CACNA2D3: variants seen among roughly 807,000 people sequenced by gnomAD.
CACNA2D3 encodes the protein voltage-dependent calcium channel subunit alpha-2/delta-3.
CACNA2D3 carries 60 observed loss-of-function variants against 160.6 expected under a neutral mutation model. That is an observed-to-expected ratio of 0.37 (90% CI 0.30 to 0.46). The LOEUF (loss-of-function observed/expected upper bound fraction) is 0.46. Ranked by LOEUF, CACNA2D3 falls within the 20% of genes least tolerant of loss-of-function variation. The pLI, the probability that CACNA2D3 is intolerant of heterozygous loss-of-function variation, is 1.00. For synonymous variants in CACNA2D3, 558 were observed against 492.9 expected (o/e 1.13, Z -1.75); for missense variants, 1,205 against 1,365.0 (o/e 0.88, Z 1.85).
At chr3:54,839,114 C>T (rs369533651) in intron 16 of CACNA2D3, among the ~76,000 whole-genome samples, 3 of 152,052 alleles carry the variant, frequency 2.0e-5, no homozygotes, top group African/African-American at 4.8e-5. Context: ...AACAATTAGC[C>T]GGTCGTGATG....
At chr3:54,145,659 A>G (rs992732421) in intron 2 of CACNA2D3, among the ~76,000 whole-genome samples, 3 of 152,164 alleles carry the variant, frequency 2.0e-5, no homozygotes, top group Non-Finnish European at 4.4e-5. Context: ...TGTCTTTAGC[A>G]CTGGTCATCC....
intron 11 of CACNA2D3, among the ~76,000 whole-genome samples, chr3:54,693,291 A>G (rs546120817): frequency 3.9e-5 from 6 of 152,342 alleles, no homozygotes; most frequent in African/African-American, 1.2e-4. Flanking sequence ...AATGAACCGC[A>G]TATTCTTATG....
intron 35 of CACNA2D3, among the ~76,000 whole-genome samples, chr3:55,066,134 G>A (rs114548439): frequency 6.6e-6 from 1 of 152,146 alleles, no homozygotes; most frequent in Admixed American, 6.5e-5. Flanking sequence ...CAGGGCAGGT[G>A]GGGGATAGGG....
At chr3:55,016,049 C>G (rs1206652925) in intron 34 of CACNA2D3, among the ~76,000 whole-genome samples, 2 of 152,158 alleles carry the variant, frequency 1.3e-5, no homozygotes, top group Non-Finnish European at 2.9e-5. Context: ...GAAAACACTA[C>G]TCAAGAGAGT....
chr3:54,293,389 A>C (rs62253247), intron 2 of CACNA2D3, among the ~76,000 whole-genome samples: 2 of 151,874 alleles, frequency 1.3e-5, no homozygotes, highest in Non-Finnish European at 2.9e-5. Flanking sequence ...AGTCCATTAT[A>C]TCATTCTTAT....
intron 4 of CACNA2D3, among the ~76,000 whole-genome samples, chr3:54,472,450 G>A (rs1700750672): frequency 6.6e-6 from 1 of 152,096 alleles, no homozygotes; most frequent in Non-Finnish European, 1.5e-5. Context: ...TACTGAATGG[G>A]CAAAAACTGG....
At chr3:54,223,622 A>G (rs1443602919) in intron 2 of CACNA2D3, among the ~76,000 whole-genome samples, 1 of 152,058 alleles carries the variant, frequency 6.6e-6, no homozygotes, top group East Asian at 1.9e-4. Context: ...TTGGGAGGCC[A>G]AGGTGGGCAG....
chr3:54,429,638 C>G (rs1370375370), intron 4 of CACNA2D3, among the ~76,000 whole-genome samples: 1 of 152,118 alleles, frequency 6.6e-6, no homozygotes, highest in Non-Finnish European at 1.5e-5. Flanking sequence ...CATGATGGTG[C>G]TCTGTAGACA....
chr3:54,331,520 C>G (rs1210395244), intron 3 of CACNA2D3, among the ~76,000 whole-genome samples: 1 of 152,186 alleles, frequency 6.6e-6, no homozygotes, highest in Non-Finnish European at 1.5e-5. Context: ...GATATCATCT[C>G]TGTTGTCATC....
chr3:54,596,377 AG>A (rs1702954904), intron 9 of CACNA2D3, among the ~76,000 whole-genome samples: 1 of 152,158 alleles, frequency 6.6e-6, no homozygotes, highest in South Asian at 2.1e-4. Context: ...AGCTGCTTAG[AG>A]GACTTCCCTG....
intron 5 of CACNA2D3, among the ~76,000 whole-genome samples, chr3:54,535,847 T>C (rs1306855796): frequency 6.6e-6 from 1 of 152,228 alleles, no homozygotes; most frequent in Non-Finnish European, 1.5e-5. Context: ...TTATGTCTGA[T>C]GTGACTAGAG....
chr3:55,065,550 C>A (rs1271074566), intron 35 of CACNA2D3, among the ~76,000 whole-genome samples: 1 of 152,096 alleles, frequency 6.6e-6, no homozygotes, highest in Admixed American at 6.5e-5. Context: ...TCCTGTGGTC[C>A]CAGCTCCTTG....
rs550931622 is a variant in CACNA2D3, at chr3:54,339,418, G to A, written c.321+18860G>A. The stretch of plus-strand genomic sequence containing the variant: ...CTTCACCCCTAACACCTCCCACCAC[G>A]ACCGCTGTTACGCTATCATTTTCTC... On this transcript the variant is annotated intron_variant, in intron 3 of 37. Transcript: ENST00000474759. Among the ~76,000 whole-genome samples, 6 of 151,996 alleles carry A rather than the reference G, an allele frequency of 3.9e-5. No individual in the cohort carries two copies. In the East Asian group the frequency reaches 1.2e-3, roughly 29 times the overall value.
At chr3:54,256,540 A>G (rs1355446325) in intron 2 of CACNA2D3, among the ~76,000 whole-genome samples, 1 of 152,156 alleles carries the variant, frequency 6.6e-6, no homozygotes, top group African/African-American at 2.4e-5. Context: ...AAAAGAAAGC[A>G]GTTTTATTAG....
At chr3:54,868,828 A>G (rs919308654) in intron 17 of CACNA2D3, among the ~76,000 whole-genome samples, 2 of 152,222 alleles carry the variant, frequency 1.3e-5, no homozygotes, top group Non-Finnish European at 2.9e-5. Context: ...ATTTTATTCA[A>G]TGAGCCTGTG....
chr3:54,707,272 T>C (rs1700874392), intron 11 of CACNA2D3, among the ~76,000 whole-genome samples: 1 of 152,186 alleles, frequency 6.6e-6, no homozygotes, highest in Non-Finnish European at 1.5e-5. Context: ...TCTTGGCATT[T>C]TGGAGGTCAG....
At chr3:55,064,502 A>G (rs958816083) in intron 35 of CACNA2D3, among the ~76,000 whole-genome samples, 2 of 152,144 alleles carry the variant, frequency 1.3e-5, no homozygotes, top group African/African-American at 4.8e-5. Context: ...GCAACTGTAC[A>G]TGAGGCAAGC....
chr3:55,051,265 T>C (rs1348739133), intron 35 of CACNA2D3, among the ~76,000 whole-genome samples: 3 of 152,278 alleles, frequency 2.0e-5, no homozygotes, highest in South Asian at 2.1e-4. Context: ...ATGATGGTGA[T>C]GTACAGATGG....
At chr3:54,303,155 G>A (rs77995629) in intron 2 of CACNA2D3, among the ~76,000 whole-genome samples, 1 of 152,072 alleles carries the variant, frequency 6.6e-6, no homozygotes, top group South Asian at 2.1e-4. Context: ...GCTTTTATTT[G>A]GTTGACATCT....
Sources: allele counts gnomAD v4.1 joint callset (sites outside exome capture counted in the v4.1 genomes callset), GRCh38; gene constraint gnomAD v4.1.1; transcripts MANE v1.5; gene names NCBI Gene and HGNC (gene_info 2026-07-23, HGNC 2026-07-21).